The following HEPHL1 variants were observed in gnomAD, a reference collection of about 807,000 sequenced individuals.
HEPHL1 encodes hephaestin like 1.
A neutral mutation model predicts 122.0 loss-of-function variants in HEPHL1; 123 were observed. That is an observed-to-expected ratio of 1.01 (90% CI 0.87 to 1.17). HEPHL1 has a LOEUF of 1.17. Among genes scored for constraint, HEPHL1 ranks in the 50% most tolerant of loss-of-function variants. HEPHL1 has a pLI of 0.00. For missense variants in HEPHL1, 1,452 were observed against 1,430.5 expected (o/e 1.01, Z -0.24); for synonymous variants, 527 against 508.9 (o/e 1.04, Z -0.48).
chr11:94,108,722 A>G (rs2048713035), intron 17 of HEPHL1, among the ~76,000 whole-genome samples: 1 of 151,908 alleles, frequency 6.6e-6, no homozygotes, highest in African/African-American at 2.4e-5. Context: ...ATGTGGGTCT[A>G]TGTCTGGGCG....
At chr11:94,036,886 C>T (rs914731581) in intron 1 of HEPHL1, among the ~76,000 whole-genome samples, 1 of 149,050 alleles carries the variant, frequency 6.7e-6, no homozygotes, top group Non-Finnish European at 1.5e-5. Flanking sequence ...CGAATAGGAA[C>T]AGCTCTGGTC....
chr11:94,048,993 T>C (rs1850655), intron 2 of HEPHL1, among the ~76,000 whole-genome samples: 142,542 of 151,978 alleles, frequency 0.94, 67,569 homozygotes, highest in East Asian at 1. Flanking sequence ...TTGTGGCACA[T>C]GCCTATAACC....
At chr11:94,035,735 T>G (rs1284817901) in intron 1 of HEPHL1, among the ~76,000 whole-genome samples, 1 of 152,058 alleles carries the variant, frequency 6.6e-6, no homozygotes, top group African/African-American at 2.4e-5. Context: ...GAAAGTCTCT[T>G]TTATTTTATT....
intron 1 of HEPHL1, among the ~76,000 whole-genome samples, chr11:94,044,250 C>T (rs1945813874): frequency 6.6e-6 from 1 of 152,012 alleles, no homozygotes; most frequent in Non-Finnish European, 1.5e-5. Context: ...CGTCTAGGTC[C>T]CCAGGAAGGC....
At chr11:94,104,817 AGGCTCCCAGC>A in intron 16 of HEPHL1, 67 bp downstream of exon 16, 1 of 1,212,062 alleles carries the variant, frequency 8.3e-7, no homozygotes, top group Non-Finnish European at 1.2e-6. Context: ...TAAATGTAGG[AGGCTCCCAGC>A]ATCCTTCTCT....
intron 9 of HEPHL1, among the ~76,000 whole-genome samples, chr11:94,081,157 C>G (rs561869253): frequency 2.2e-4 from 34 of 152,210 alleles, no homozygotes; most frequent in Non-Finnish European, 3.8e-4. Context: ...ACATGGATGG[C>G]ACTTGAAGCC....
At position 94,093,444 on chromosome 11, in the gene HEPHL1, C is replaced by T. The variant is rs564569924; in HGVS notation, c.2295-57C>T. 2.6e-4 allele frequency: 418 copies of T among 1,595,132 alleles called. 2 individuals are homozygous for T. In the African/African-American group the frequency reaches 3.2e-3, roughly 12 times the overall value. On this transcript the variant is annotated intron_variant, in intron 12 of 19. Coordinates refer to ENST00000315765, the MANE Select transcript of HEPHL1 (RefSeq NM_001098672.2). ...AGAATACCCCTGAATCACTTAGAAGCGCTCAAAGCTTTTCTGCTTTCTGAC... is the reference window on the plus strand; with the variant it reads ...AGAATACCCCTGAATCACTTAGAAGTGCTCAAAGCTTTTCTGCTTTCTGAC...
chr11:94,025,284 T>A (rs977292537), intron 1 of HEPHL1, among the ~76,000 whole-genome samples: 1 of 152,186 alleles, frequency 6.6e-6, no homozygotes. Flanking sequence ...CTTCTCCTCC[T>A]CCTTGGAGTA....
intron 1 of HEPHL1, among the ~76,000 whole-genome samples, chr11:94,037,125 C>T (rs1468503846): frequency 3.9e-5 from 6 of 152,176 alleles, no homozygotes; most frequent in African/African-American, 9.7e-5. Flanking sequence ...CCTGGAAAAT[C>T]GGGTCACTCC....
intron 12 of HEPHL1, 141 bp from the exon 13 acceptor site, chr11:94,093,360 C>T: frequency 1.1e-6 from 1 of 887,396 alleles, no homozygotes; most frequent in Non-Finnish European, 1.8e-6. Context: ...AAGTATGGTG[C>T]AAAAGGCCTG....
At position 94,064,423 on chromosome 11, in the gene HEPHL1, C is replaced by G; in HGVS notation, c.721C>G (p.Leu241Val). 4 of 1,612,250 alleles carry G rather than the reference C, an allele frequency of 2.5e-6. No homozygotes were observed. Among genetic ancestry groups the G allele is most frequent in the Non-Finnish European group, 3.4e-6 (4 of 1,178,408 alleles). Residue 241 changes from leucine (L) to valine (V), a missense_variant, in exon 4 of 20, where the codon CTC (leucine) becomes GTC (valine). Physicochemically the swap from Leu to Val is conservative, Grantham distance 32 (BLOSUM62 1). Transcript: ENST00000315765. ...TLVDENQSWY[L>V]NENIKHFCTN... ...TGTGGATGAGAATCAAAGCTGGTAC[C>G]TCAATGAAAATATCAAACATTTCTG...
chr11:94,065,775 A>G (rs934474406), intron 4 of HEPHL1, among the ~76,000 whole-genome samples: 2 of 152,234 alleles, frequency 1.3e-5, no homozygotes, highest in African/African-American at 2.4e-5. Flanking sequence ...AATTGTGATT[A>G]CTTAAGACTC....
intron 13 of HEPHL1, among the ~76,000 whole-genome samples, chr11:94,098,195 T>G (rs964917661): frequency 1.3e-5 from 2 of 152,246 alleles, no homozygotes; most frequent in African/African-American, 4.8e-5. Context: ...TCAGGAGCTC[T>G]TGTAATGCAG....
chr11:94,108,958 GA>G (rs1437280183), intron 17 of HEPHL1, among the ~76,000 whole-genome samples: 1 of 152,076 alleles, frequency 6.6e-6, no homozygotes, highest in Non-Finnish European at 1.5e-5. Context: ...GGGTTGGACA[GA>G]ACTGACATAA....
At position 94,106,084 on chromosome 11, in the gene HEPHL1, T is replaced by C; in HGVS notation, c.2999T>C (p.Val1000Ala). Reference sequence around the variant, plus strand: ...TATTTGTTAGGGATAGGAAGTGAAGTGGACATACATACCATCCATTATCAT... The same window carrying C: ...TATTTGTTAGGGATAGGAAGTGAAGCGGACATACATACCATCCATTATCAT... ...NWYLLGIGSE[V>A]DIHTIHYHAE... Residue 1000 changes from valine to alanine, a missense_variant, in exon 17 of 20, where the codon GTG becomes GCG. Physicochemically the swap from Val to Ala is moderately conservative, Grantham distance 64. Coordinates refer to ENST00000315765, the MANE Select transcript of HEPHL1 (RefSeq NM_001098672.2). 6.3e-7 allele frequency: 1 copy of C among 1,597,658 alleles called. No individual in the cohort carries two copies. Among genetic ancestry groups the C allele is most frequent in the Non-Finnish European group, 8.6e-7 (1 of 1,168,880 alleles).
intron 18 of HEPHL1, among the ~76,000 whole-genome samples, 200 bp from the exon 19 acceptor site, chr11:94,111,337 C>T (rs1309005771): frequency 6.6e-6 from 1 of 152,098 alleles, no homozygotes; most frequent in Non-Finnish European, 1.5e-5. Flanking sequence ...TCCAGATAGA[C>T]TCAGTGGGTG....
chr11:94,046,091 C>CTTT lies in HEPHL1; in HGVS notation c.415+193_415+195dup, dbSNP rs755367459. Among the ~76,000 whole-genome samples the CTTT allele has an allele frequency of 2.2e-4, 14 of 65,048 alleles. 3 individuals are homozygous for CTTT. Among genetic ancestry groups the CTTT allele is most frequent in the African/African-American group, 6.4e-4 (10 of 15,732 alleles). 42.7% of individuals were successfully genotyped at this position (65,048 alleles called of 152,430 possible). On this transcript the variant is annotated intron_variant, in intron 2 of 19. Transcript: ENST00000315765. ...TTCTGTCTCTCTCTTCCCTTTCTTG[C>CTTT]TTTTTTTTTTTTTTTTTTTTTGAGA... is the stretch of plus-strand genomic sequence containing the variant.
Position 94,111,821 on chromosome 11 carries a change from G to T in HEPHL1, c.3407G>T (p.Arg1136Ile), listed in dbSNP as rs747610706. 4.5e-6 allele frequency: 7 copies of T among 1,556,068 alleles called. No individual in the cohort carries two copies. Among genetic ancestry groups the T allele is most frequent in the African/African-American group, 1.4e-5 (1 of 72,998 alleles). The change falls in exon 20 of 20, where the codon AGA (arginine) becomes ATA (isoleucine). Residue 1136 changes from arginine to isoleucine, a missense_variant. Physicochemically the swap from Arg to Ile is moderately conservative, Grantham distance 97. Coordinates refer to ENST00000315765, the MANE Select transcript of HEPHL1 (RefSeq NM_001098672.2). Reference protein sequence around the residue: ...LLITTVILSLRLCSAMKQTDY... With the variant: ...LLITTVILSLILCSAMKQTDY... ...ATCACCACGGTGATTCTCTCCCTCAGACTCTGCTCTGCAATGAAGCAGACA... is the reference window on the plus strand; with the variant it reads ...ATCACCACGGTGATTCTCTCCCTCATACTCTGCTCTGCAATGAAGCAGACA...
chr11:94,093,226 C>G (rs1388924624), intron 12 of HEPHL1, among the ~76,000 whole-genome samples: 1 of 151,918 alleles, frequency 6.6e-6, no homozygotes, highest in Non-Finnish European at 1.5e-5. Flanking sequence ...GAGGTTGGCC[C>G]TACTCAGTGC....
Sources: gnomAD v4.1 joint callset for allele counts (sites outside exome capture counted in the v4.1 genomes callset) on GRCh38, gnomAD v4.1.1 for gene constraint, MANE v1.5 for transcripts, NCBI Gene and HGNC (gene_info 2026-07-23, HGNC 2026-07-21) for gene names.